STARD13: variants seen among roughly 807,000 people sequenced by gnomAD.
STARD13 encodes the protein StAR related lipid transfer domain containing 13, also known as stAR-related lipid transfer protein 13.
A neutral mutation model predicts 106.4 loss-of-function variants in STARD13; 62 were observed. The observed-to-expected ratio is 0.58, with a 90% CI of 0.48 to 0.72. STARD13 has a LOEUF of 0.72. Ranked by LOEUF, STARD13 falls within the 30% of genes least tolerant of loss-of-function variation. The probability of loss-of-function intolerance (pLI) is 0.00; values close to 1 mark genes in which losing one functional copy is unlikely to be tolerated. For synonymous variants in STARD13, 565 were observed against 553.0 expected, an observed-to-expected ratio of 1.02 and a Z score of -0.31; for missense variants, 1,387 against 1,424.0, an observed-to-expected ratio of 0.97 and a Z score of 0.42.
the STARD13 span, among the ~76,000 whole-genome samples, chr13:33,643,158 T>TGCAC: frequency 7.6e-4 from 56 of 73,236 alleles, no homozygotes; most frequent in African/African-American, 2.7e-3. Context: ...ACATAGAACA[T>TGCAC]GCACACACAC....
chr13:33,117,723 A>C (rs1018396786), intron 8 of STARD13: 7 of 911,560 alleles, frequency 7.7e-6, no homozygotes, highest in African/African-American at 5.4e-5. Context: ...AAATTGAATA[A>C]GTTTTAATAA....
At chr13:33,640,293 A>T in the STARD13 span, among the ~76,000 whole-genome samples, 1 of 152,256 alleles carries the variant, frequency 6.6e-6, no homozygotes, top group Admixed American at 6.5e-5. Flanking sequence ...TCTTGAAAAC[A>T]AATGAGCTTT....
At chr13:33,386,340 A>G in the STARD13 span, among the ~76,000 whole-genome samples, 3 of 152,148 alleles carry the variant, frequency 2.0e-5, no homozygotes, top group Non-Finnish European at 4.4e-5. Flanking sequence ...TGCTCTTGTT[A>G]AATCACCCTG....
At chr13:33,187,622 TATTTTTACTATGGTAAAAA>T (rs1471815083) in intron 1 of STARD13, among the ~76,000 whole-genome samples, 1 of 149,764 alleles carries the variant, frequency 6.7e-6, no homozygotes, top group East Asian at 1.9e-4. Flanking sequence ...AATAAAAGGA[TATTTTTACTATGGTAAAAA>T]AAAAATTAAA....
chr13:33,270,573 A>G (rs1472089521), intron 1 of STARD13, among the ~76,000 whole-genome samples: 1 of 152,194 alleles, frequency 6.6e-6, no homozygotes, highest in Admixed American at 6.5e-5. Flanking sequence ...AAACTGAGGC[A>G]TGAGAGGTTA....
chr13:33,662,186 C>T, the STARD13 span, among the ~76,000 whole-genome samples: 2 of 151,534 alleles, frequency 1.3e-5, no homozygotes, highest in African/African-American at 4.9e-5. Context: ...GGCGTGAACC[C>T]CGGAGGCGGA....
At chr13:33,184,630 A>G (rs1183537600) in intron 1 of STARD13, among the ~76,000 whole-genome samples, 5 of 152,222 alleles carry the variant, frequency 3.3e-5, no homozygotes, top group Non-Finnish European at 7.3e-5. Flanking sequence ...GCACAACATT[A>G]TATATACTCT....
intron 1 of STARD13, among the ~76,000 whole-genome samples, chr13:33,250,965 A>G (rs1890067311): frequency 6.6e-6 from 1 of 152,196 alleles, no homozygotes; most frequent in African/African-American, 2.4e-5. Context: ...TGAATAAGTG[A>G]AAGCATAGAA....
chr13:33,161,474 C>A (rs1594005307), intron 3 of STARD13, among the ~76,000 whole-genome samples: 1 of 152,068 alleles, frequency 6.6e-6, no homozygotes, highest in South Asian at 2.1e-4. Flanking sequence ...GCCACCATGC[C>A]CAGCTAATTT....
the STARD13 span, among the ~76,000 whole-genome samples, chr13:33,436,677 T>C: frequency 2.6e-5 from 4 of 152,202 alleles, no homozygotes; most frequent in African/African-American, 9.6e-5. Context: ...TAGGCTGAGA[T>C]CTTTTGGTCC....
intron 7 of STARD13, among the ~76,000 whole-genome samples, chr13:33,123,501 G>A (rs551791940): frequency 3.3e-5 from 5 of 152,142 alleles, no homozygotes; most frequent in Non-Finnish European, 5.9e-5. Context: ...CTCTCACTGC[G>A]GTGACTTCAT....
chr13:33,128,732 T>A (rs9536486), intron 5 of STARD13, among the ~76,000 whole-genome samples, 197 bp downstream of exon 5: 35,617 of 151,986 alleles, frequency 0.23, 4,378 homozygotes, highest in South Asian at 0.29. Context: ...CAAATAAATA[T>A]GAGTTCACAT....
At chr13:33,527,801 CA>C in the STARD13 span, among the ~76,000 whole-genome samples, 1 of 151,392 alleles carries the variant, frequency 6.6e-6, no homozygotes, top group South Asian at 2.1e-4. Context: ...TCCTGATTTG[CA>C]AAGAAGAATC....
the STARD13 span, among the ~76,000 whole-genome samples, chr13:33,579,080 G>A: frequency 5.3e-5 from 8 of 152,078 alleles, no homozygotes; most frequent in African/African-American, 1.9e-4. Flanking sequence ...AACCTCTCTG[G>A]AAAATAGTAT....
At chr13:33,360,212 T>C in the STARD13 span, among the ~76,000 whole-genome samples, 2 of 152,182 alleles carry the variant, frequency 1.3e-5, no homozygotes, top group African/African-American at 4.8e-5. Flanking sequence ...GTCGATTTTT[T>C]TTTTTCTTCT....
At chr13:33,358,647 T>C in the STARD13 span, among the ~76,000 whole-genome samples, 2 of 152,044 alleles carry the variant, frequency 1.3e-5, no homozygotes, top group African/African-American at 4.8e-5. Context: ...CAATCGACAC[T>C]CTGAATCTAG....
chr13:33,310,508 T>C (rs373172078), intron 1 of STARD13, among the ~76,000 whole-genome samples: 100 of 152,260 alleles, frequency 6.6e-4, no homozygotes, highest in African/African-American at 2.2e-3. Flanking sequence ...TCTTGCGATA[T>C]AAAACTTGCA....
the STARD13 span, among the ~76,000 whole-genome samples, chr13:33,388,941 G>A: frequency 4.0e-5 from 6 of 149,940 alleles, no homozygotes; most frequent in Non-Finnish European, 7.4e-5. Flanking sequence ...AGTCCTTGAG[G>A]TTAGGGGTCC....
intron 2 of STARD13, among the ~76,000 whole-genome samples, chr13:33,166,050 C>A (rs1462137696): frequency 6.6e-6 from 1 of 152,180 alleles, no homozygotes; most frequent in Non-Finnish European, 1.5e-5. Context: ...TAGCAATCTG[C>A]AGCTCATTGG....
Sources: allele counts gnomAD v4.1 joint callset (sites outside exome capture counted in the v4.1 genomes callset), GRCh38; gene constraint gnomAD v4.1.1; transcripts MANE v1.5; gene names NCBI Gene and HGNC (gene_info 2026-07-23, HGNC 2026-07-21).